The following ASZ1 variants were observed in gnomAD, a reference collection of about 807,000 sequenced individuals.
ASZ1 encodes the protein ankyrin repeat, SAM and basic leucine zipper domain-containing protein 1.
ASZ1 carries 67 observed loss-of-function variants against 61.8 expected under a neutral mutation model. The observed-to-expected ratio is 1.08, with a 90% CI of 0.89 to 1.33. ASZ1 has a LOEUF of 1.33. Ranked by LOEUF, ASZ1 falls within the 40% of genes most tolerant of loss-of-function variation. The pLI is 0.00. For missense variants in ASZ1, 577 were observed against 554.5 expected, an observed-to-expected ratio of 1.04 and a Z score of -0.41; for synonymous variants, 193 against 192.7, an observed-to-expected ratio of 1.00 and a Z score of -0.01.
intron 10 of ASZ1, among the ~76,000 whole-genome samples, chr7:117,376,341 T>C (rs1796136508): frequency 6.6e-6 from 1 of 152,150 alleles, no homozygotes; most frequent in Admixed American, 6.6e-5. Flanking sequence ...CAGGTCCAGA[T>C]GGTTTCACTG....
intron 4 of ASZ1, among the ~76,000 whole-genome samples, chr7:117,391,910 GC>G (rs1165951838): frequency 6.6e-6 from 1 of 151,978 alleles, no homozygotes; most frequent in Admixed American, 6.6e-5. Context: ...TCCTGCCTCA[GC>G]CTCCCGAGTA....
intron 9 of ASZ1, 54 bp downstream of exon 9, chr7:117,380,957 A>T: frequency 6.9e-7 from 1 of 1,454,000 alleles, no homozygotes; most frequent in Non-Finnish European, 9.5e-7. Flanking sequence ...AAAAGGATCC[A>T]CAATTTTAAA....
Position 117,363,747 on chromosome 7 carries a change from A to G in ASZ1, c.1277T>C (p.Leu426Ser). 6.4e-7 allele frequency: 1 copy of G among 1,568,384 alleles called. No individual in the cohort carries two copies. The highest frequency in any genetic ancestry group is 1.2e-5 in the South Asian group (1 of 82,658). The change falls in exon 13 of 13, where the codon TTG (leucine) becomes TCG (serine). Residue 426 changes from leucine (L) to serine (S), a missense_variant and splice_region_variant. Physicochemically the swap from Leu to Ser is moderately radical, Grantham distance 145 (BLOSUM62 -2). Coordinates refer to ENST00000284629, the MANE Select transcript of ASZ1 (RefSeq NM_130768.3). ...TGGATCATTTTCCCGTTCATTTTGC[A>G]ACTAATATTTAGTATGGAAAAAGAA... ...VCKLKDLIQK[L>S]QNERENDPTH...
At chr7:117,372,413 C>G (rs1039665739) in intron 10 of ASZ1, among the ~76,000 whole-genome samples, 4 of 152,140 alleles carry the variant, frequency 2.6e-5, no homozygotes, top group Non-Finnish European at 4.4e-5. Context: ...CTTCCCTTTC[C>G]CATGAGATCA....
chr7:117,363,732 TC>T lies in ASZ1; in HGVS notation c.1291del (p.Glu431LysfsTer9), dbSNP rs1319768246. ...DLIQKLQNER[E>X]NDPTHIQLRE... is the part of the protein sequence containing the mutation. ...TAATTGTATATGAGTTGGATCATTT[TC>T]CCGTTCATTTTGCAACTAATATTTA... On this transcript the variant is annotated frameshift_variant, in exon 13 of 13. Transcript: ENST00000284629. LOFTEE classifies it high-confidence loss of function. 2.5e-6 allele frequency: 4 copies of T among 1,577,378 alleles called. No individual in the cohort carries two copies. Among genetic ancestry groups the T allele is most frequent in the Non-Finnish European group, 3.4e-6 (4 of 1,163,234 alleles).
At position 117,391,531 on chromosome 7, in the gene ASZ1, G is replaced by A. The variant is rs186260532; in HGVS notation, c.441-5722C>T. On this transcript the variant is annotated intron_variant, in intron 4 of 12. Transcript: ENST00000284629. ...TTCATTCTTCTGCATGTGGGTATCCGGTTTTCCCAGTGCCATTTACTGAAT... is the reference window on the plus strand; with the variant it reads ...TTCATTCTTCTGCATGTGGGTATCCAGTTTTCCCAGTGCCATTTACTGAAT... Among the ~76,000 whole-genome samples, 37 of 152,186 alleles carry A rather than the reference G, an allele frequency of 2.4e-4. No individual in the cohort carries two copies. The East Asian group carries it at 6.9e-3, about 29-fold the overall frequency.
intron 4 of ASZ1, among the ~76,000 whole-genome samples, chr7:117,402,359 C>T (rs913160056): frequency 2.0e-5 from 3 of 152,166 alleles, no homozygotes; most frequent in Non-Finnish European, 4.4e-5. Flanking sequence ...CTATGGGATA[C>T]TGAGTGCATA....
intron 10 of ASZ1, among the ~76,000 whole-genome samples, chr7:117,379,162 TATATATAC>T (rs1170471069): frequency 6.3e-4 from 36 of 57,062 alleles, no homozygotes; most frequent in African/African-American, 2.4e-3. Context: ...TATATATATA[TATATATAC>T]ACACACACAC....
At chr7:117,416,856 AAC>A (rs1215944908) in intron 4 of ASZ1, among the ~76,000 whole-genome samples, 1 of 152,242 alleles carries the variant, frequency 6.6e-6, no homozygotes, top group African/African-American at 2.4e-5. Flanking sequence ...GAGGAAATTC[AAC>A]AGTTTCTTCT....
chr7:117,376,479 A>G (rs1043278897), intron 10 of ASZ1, among the ~76,000 whole-genome samples: 9 of 152,132 alleles, frequency 5.9e-5, no homozygotes, highest in African/African-American at 2.2e-4. Context: ...TACCAAAACC[A>G]GACAAAATAC....
At chr7:117,396,040 C>T (rs1410308528) in intron 4 of ASZ1, among the ~76,000 whole-genome samples, 1 of 152,154 alleles carries the variant, frequency 6.6e-6, no homozygotes, top group Non-Finnish European at 1.5e-5. Flanking sequence ...GTCAGAATGC[C>T]TAGGTCAAAT....
intron 4 of ASZ1, among the ~76,000 whole-genome samples, chr7:117,403,568 T>C (rs974104811): frequency 1.3e-5 from 2 of 152,190 alleles, no homozygotes; most frequent in African/African-American, 4.8e-5. Context: ...CCAAGATGTA[T>C]TTTGGGACAG....
intron 4 of ASZ1, among the ~76,000 whole-genome samples, chr7:117,402,601 G>A (rs1308673562): frequency 2.0e-5 from 3 of 151,996 alleles, no homozygotes. Flanking sequence ...TTGTTTAAAG[G>A]CCTCATCTTT....
At chr7:117,396,915 T>C (rs1347234282) in intron 4 of ASZ1, among the ~76,000 whole-genome samples, 11 of 152,058 alleles carry the variant, frequency 7.2e-5, no homozygotes, top group Admixed American at 4.6e-4. Context: ...AAGTTATCTT[T>C]CTGACATTTT....
chr7:117,420,552 A>T (rs1018825441), intron 3 of ASZ1, among the ~76,000 whole-genome samples: 1 of 152,222 alleles, frequency 6.6e-6, no homozygotes, highest in East Asian at 1.9e-4. Context: ...ACATGGACAC[A>T]GCCACATTGT....
intron 4 of ASZ1, among the ~76,000 whole-genome samples, chr7:117,412,049 T>C (rs1218092133): frequency 6.8e-6 from 1 of 147,830 alleles, no homozygotes; most frequent in Non-Finnish European, 1.5e-5. Flanking sequence ...AGTGTGTGTG[T>C]GTGTGTGTGT....
In ASZ1 at chr7:117,426,738, C is replaced by T. The variant is rs375183909; in HGVS notation, c.205+98G>A. The T allele has an allele frequency of 2.4e-5, 25 of 1,038,888 alleles. No homozygotes were observed. The South Asian group carries it at 3.4e-4, about 14-fold the overall frequency. The allele number at this position is 1,038,888 out of a possible 1,614,324, so 64.4% of individuals were successfully genotyped here. ...CAGGATGATACATTAACATTTGTTG[C>T]GTTTCCATTAGAAAAGCAACATAAA... On this transcript the variant is annotated intron_variant, in intron 2 of 12. Coordinates refer to ENST00000284629, the MANE Select transcript of ASZ1 (RefSeq NM_130768.3).
At chr7:117,376,038 G>GA (rs564050952) in intron 10 of ASZ1, among the ~76,000 whole-genome samples, 46 of 151,404 alleles carry the variant, frequency 3.0e-4, no homozygotes, top group African/African-American at 9.9e-4. Flanking sequence ...CAGGTTCTTT[G>GA]AAAAAAAATG....
At chr7:117,376,953 A>G (rs1796149029) in intron 10 of ASZ1, among the ~76,000 whole-genome samples, 1 of 152,144 alleles carries the variant, frequency 6.6e-6, no homozygotes, top group African/African-American at 2.4e-5. Context: ...AGGGAAAAAA[A>G]AGGTATACAA....
Sources: gnomAD v4.1 joint callset for allele counts (sites outside exome capture counted in the v4.1 genomes callset) on GRCh38, gnomAD v4.1.1 for gene constraint, MANE v1.5 for transcripts, NCBI Gene and HGNC (gene_info 2026-07-23, HGNC 2026-07-21) for gene names.